KCNJ12: variants seen among roughly 807,000 people sequenced by gnomAD.
KCNJ12 encodes the protein ATP-sensitive inward rectifier potassium channel 12.
A neutral mutation model predicts 22.3 loss-of-function variants in KCNJ12; 2 were observed. The observed-to-expected ratio is 0.09, with a 90% confidence interval of 0.04 to 0.28. The LOEUF (loss-of-function observed/expected upper bound fraction) is 0.28. Ranked by LOEUF, KCNJ12 falls within the 10% of genes least tolerant of loss-of-function variation. The pLI, the probability that KCNJ12 is intolerant of heterozygous loss-of-function variation, is 1.00. For synonymous variants in KCNJ12, 117 were observed against 261.4 expected (o/e 0.45, Z 5.33); for missense variants, 155 against 633.3 (o/e 0.24, Z 8.11).
At chr17:21,383,373 A>C (rs1555558266) in intron 1 of KCNJ12, among the ~76,000 whole-genome samples, 3 of 152,144 alleles carry the variant, frequency 2.0e-5, no homozygotes, top group African/African-American at 7.2e-5. Flanking sequence ...GGGCCAAGCC[A>C]GGCTTCCATT....
At position 21,411,234 on chromosome 17, in the gene KCNJ12, C is replaced by A. The variant is rs1187253780; in HGVS notation, c.-57+2594C>A. Among the ~76,000 whole-genome samples, 4 of 152,426 alleles carry A rather than the reference C, an allele frequency of 2.6e-5. No individual in the cohort carries two copies. In the East Asian group the frequency reaches 7.7e-4, roughly 29 times the overall value. ...AAGCACCTCCCGGTGACTCCTGGAC[C>A]CCACCCTTAGGTCACGTGGCAGCTG... is the stretch of plus-strand genomic sequence containing the variant. On this transcript the variant is annotated intron_variant, in intron 2 of 2. Coordinates refer to ENST00000583088, the MANE Select transcript of KCNJ12 (RefSeq NM_021012.5).
rs1597562518 is a variant in KCNJ12 at position 21,392,810 on chromosome 17, T to C, written c.-178-15709T>C. Among the ~76,000 whole-genome samples the C allele has an allele frequency of 2.0e-5, 3 of 152,240 alleles. No homozygotes were observed. In the South Asian group the frequency reaches 6.2e-4, roughly 32 times the overall value. On this transcript the variant is annotated intron_variant, in intron 1 of 2. Transcript: ENST00000583088. Reference sequence around the variant, plus strand: ...GACAGGTGGAAGGCCTGAAGGTGGGTGTGGGCAGCACGGTCGGGGCAACCT... The same window carrying C: ...GACAGGTGGAAGGCCTGAAGGTGGGCGTGGGCAGCACGGTCGGGGCAACCT...
intron 2 of KCNJ12, among the ~76,000 whole-genome samples, 192 bp from the exon 3 acceptor site, chr17:21,415,095 G>T (rs1401449288): frequency 6.6e-6 from 1 of 152,296 alleles, no homozygotes; most frequent in Non-Finnish European, 1.5e-5. Flanking sequence ...GGCTGGAGCT[G>T]CTGGGGGCCC....
At chr17:21,408,045 C>A (rs1378239240) in intron 1 of KCNJ12, among the ~76,000 whole-genome samples, 2 of 131,968 alleles carry the variant, frequency 1.5e-5, no homozygotes, top group Non-Finnish European at 3.3e-5. Flanking sequence ...ATCCACCCAC[C>A]CAGCTATTCA....
intron 1 of KCNJ12, among the ~76,000 whole-genome samples, chr17:21,383,706 A>ATCCTAGAGG (rs1299562315): frequency 2.0e-5 from 3 of 152,032 alleles, no homozygotes; most frequent in Non-Finnish European, 4.4e-5. Flanking sequence ...TTCTCAGAGA[A>ATCCTAGAGG]TCCTAGAGGT....
chr17:21,411,312 A>C (rs1906330192), intron 2 of KCNJ12, among the ~76,000 whole-genome samples: 1 of 152,304 alleles, frequency 6.6e-6, no homozygotes, highest in Non-Finnish European at 1.5e-5. Context: ...TCTGTTCTTC[A>C]AGTGGACTGG....
chr17:21,404,481 G>A (rs4997628), intron 1 of KCNJ12, among the ~76,000 whole-genome samples: 4 of 120,152 alleles, frequency 3.3e-5, no homozygotes, highest in African/African-American at 6.3e-5. Flanking sequence ...GAAGGCAGGC[G>A]CCCAATGCTT....
At chr17:21,406,149 T>C (rs1343594626) in intron 1 of KCNJ12, among the ~76,000 whole-genome samples, 2 of 152,298 alleles carry the variant, frequency 1.3e-5, no homozygotes, top group Non-Finnish European at 2.9e-5. Flanking sequence ...GAGTTCCAGC[T>C]CCAGGTGACT....
At chr17:21,383,074 G>A (rs1388947612) in intron 1 of KCNJ12, among the ~76,000 whole-genome samples, 3 of 152,298 alleles carry the variant, frequency 2.0e-5, no homozygotes, top group African/African-American at 7.2e-5. Flanking sequence ...GGCAGGGGAG[G>A]GGCCGGGGAG....
intron 1 of KCNJ12, among the ~76,000 whole-genome samples, chr17:21,381,271 G>A (rs1386676332): frequency 2.6e-5 from 4 of 152,114 alleles, no homozygotes; most frequent in African/African-American, 9.7e-5. Context: ...AAGGACTCAG[G>A]CTTGGAGAGG....
intron 1 of KCNJ12, among the ~76,000 whole-genome samples, chr17:21,391,408 C>T (rs111647097): frequency 2.2e-4 from 34 of 152,308 alleles, no homozygotes; most frequent in African/African-American, 7.7e-4. Context: ...CTCCAGCCTG[C>T]GTTCTTGCTG....
chr17:21,383,439 A>AG (rs1361354530), intron 1 of KCNJ12, among the ~76,000 whole-genome samples: 1 of 152,014 alleles, frequency 6.6e-6, no homozygotes, highest in Non-Finnish European at 1.5e-5. Flanking sequence ...GCGTGGCCGG[A>AG]GGGGGCGGGT....
intron 1 of KCNJ12, among the ~76,000 whole-genome samples, chr17:21,394,728 G>A (rs1182201341): frequency 1.3e-5 from 2 of 152,174 alleles, no homozygotes; most frequent in Admixed American, 6.5e-5. Context: ...TCAGGGCTGT[G>A]GCAGAGAGAA....
chr17:21,388,079 A>G (rs1242463419), intron 1 of KCNJ12, among the ~76,000 whole-genome samples: 1 of 152,072 alleles, frequency 6.6e-6, no homozygotes, highest in Non-Finnish European at 1.5e-5. Context: ...TTAGAGGTGT[A>G]GTGGCTTTTC....
chr17:21,407,762 T>C (rs1397488926), intron 1 of KCNJ12, among the ~76,000 whole-genome samples: 2 of 152,134 alleles, frequency 1.3e-5, no homozygotes, highest in Non-Finnish European at 2.9e-5. Context: ...CATTCATCCA[T>C]CCATCCATCC....
intron 1 of KCNJ12, among the ~76,000 whole-genome samples, chr17:21,377,795 T>C (rs1435419988): frequency 6.6e-6 from 1 of 152,294 alleles, no homozygotes; most frequent in African/African-American, 2.4e-5. Context: ...AAGTGTTTCT[T>C]TGGGGACGGT....
intron 1 of KCNJ12, among the ~76,000 whole-genome samples, chr17:21,383,037 A>G (rs1904932261): frequency 6.6e-6 from 1 of 152,144 alleles, no homozygotes; most frequent in African/African-American, 2.4e-5. Flanking sequence ...TCTGTCCCTG[A>G]TGCTTCCAGG....
intron 1 of KCNJ12, among the ~76,000 whole-genome samples, chr17:21,407,562 AC>A (rs1906032195): frequency 2.1e-5 from 3 of 144,766 alleles, no homozygotes; most frequent in Non-Finnish European, 4.5e-5. Flanking sequence ...CCATCCATCC[AC>A]CCACCCATTA....
chr17:21,389,472 G>A (rs1309783476), intron 1 of KCNJ12, among the ~76,000 whole-genome samples: 2 of 152,222 alleles, frequency 1.3e-5, no homozygotes, highest in African/African-American at 4.8e-5. Context: ...GGCTTCCCAC[G>A]AATCTGTGGG....
Sources: allele counts gnomAD v4.1 joint callset (sites outside exome capture counted in the v4.1 genomes callset), GRCh38; gene constraint gnomAD v4.1.1; transcripts MANE v1.5; gene names NCBI Gene and HGNC (gene_info 2026-07-23, HGNC 2026-07-21).